Variants in THEMIS observed in about 807,000 individuals in gnomAD.
THEMIS encodes thymocyte selection associated, also known as protein THEMIS.
THEMIS carries 37 observed loss-of-function variants against 52.6 expected under a neutral mutation model. The ratio of observed to expected loss-of-function variants is 0.70; its 90% CI spans 0.54 to 0.93. The LOEUF is 0.93. Ranked by LOEUF, THEMIS falls within the 40% of genes least tolerant of loss-of-function variation. The pLI is 0.00. For missense variants in THEMIS, 808 were observed against 763.1 expected, an observed-to-expected ratio of 1.06 and a Z score of -0.69; for synonymous variants, 292 against 272.7, an observed-to-expected ratio of 1.07 and a Z score of -0.70.
chr6:127,863,445 T>G (rs979131604), intron 1 of THEMIS, among the ~76,000 whole-genome samples: 2 of 152,164 alleles, frequency 1.3e-5, no homozygotes, highest in Admixed American at 1.3e-4. Context: ...TTATTAACCT[T>G]TATCTGTGCT....
Position 127,719,802 on chromosome 6 carries a change from T to G in THEMIS, c.1780A>C (p.Lys594Gln). The change falls in exon 5 of 6, where the codon AAG becomes CAG. Residue 594 changes from lysine (K) to glutamine (Q), a missense_variant. Coordinates refer to ENST00000368248, the MANE Select transcript of THEMIS (RefSeq NM_001010923.3). Reference protein sequence around the residue: ...SPKRHHVDITKKLHPNQAGLD... With the variant: ...SPKRHHVDITQKLHPNQAGLD... ...CCAGCTTGATTTGGGTGAAGTTTCTTGGTTATGTCTACGTGATGACGCTGA... is the reference window on the plus strand; with the variant it reads ...CCAGCTTGATTTGGGTGAAGTTTCTGGGTTATGTCTACGTGATGACGCTGA... 1 of 1,612,340 alleles carries G rather than the reference T, an allele frequency of 6.2e-7. No homozygotes were observed. The highest frequency in any genetic ancestry group is 8.5e-7 in the Non-Finnish European group (1 of 1,178,918).
In THEMIS at chr6:127,864,620, T is replaced by G. The variant is rs544824279; in HGVS notation, c.92-9432A>C. Among the ~76,000 whole-genome samples the G allele has an allele frequency of 3.3e-5, 5 of 152,186 alleles. No individual in the cohort carries two copies. The East Asian group carries it at 9.7e-4, about 29-fold the overall frequency. ...TACTCAGCATCCCCTGTGATCAGAT[T>G]CAGGAAGCGGTCACTGTAGATTATG... On this transcript the variant is annotated intron_variant, in intron 1 of 5. Coordinates refer to ENST00000368248, the MANE Select transcript of THEMIS (RefSeq NM_001010923.3).
intron 4 of THEMIS, 140 bp from the exon 5 acceptor site, chr6:127,719,963 A>C: frequency 9.3e-7 from 1 of 1,070,188 alleles, no homozygotes; most frequent in Non-Finnish European, 1.3e-6. Context: ...TACAAATTAT[A>C]TGTTCATCAA....
At chr6:127,782,809 C>G (rs1776794062) in intron 4 of THEMIS, among the ~76,000 whole-genome samples, 1 of 152,162 alleles carries the variant, frequency 6.6e-6, no homozygotes, top group South Asian at 2.1e-4. Flanking sequence ...AATGGCCATA[C>G]TGCCCAAAGT....
intron 4 of THEMIS, among the ~76,000 whole-genome samples, chr6:127,724,401 T>A (rs1184486316): frequency 1.3e-5 from 2 of 152,232 alleles, no homozygotes; most frequent in East Asian, 3.9e-4. Context: ...GGCATGAGAA[T>A]GTGGCCTGAC....
At chr6:127,837,636 C>A (rs1778915401) in intron 2 of THEMIS, among the ~76,000 whole-genome samples, 1 of 151,280 alleles carries the variant, frequency 6.6e-6, no homozygotes, top group African/African-American at 2.4e-5. Flanking sequence ...ATATATATAT[C>A]TATATATATT....
At chr6:127,712,877 C>A (rs529421888) in intron 5 of THEMIS, among the ~76,000 whole-genome samples, 2 of 151,758 alleles carry the variant, frequency 1.3e-5, no homozygotes, top group African/African-American at 2.4e-5. Context: ...ATTTCAATTT[C>A]GTTATATTTT....
intron 2 of THEMIS, among the ~76,000 whole-genome samples, chr6:127,845,734 G>A (rs1779190846): frequency 6.6e-6 from 1 of 151,782 alleles, no homozygotes; most frequent in Non-Finnish European, 1.5e-5. Context: ...AAAGAAAATT[G>A]TTTAACTTTT....
chr6:127,768,902 T>A (rs1028816302), intron 4 of THEMIS, among the ~76,000 whole-genome samples: 2 of 152,186 alleles, frequency 1.3e-5, no homozygotes, highest in Non-Finnish European at 2.9e-5. Context: ...ACGTAATCAA[T>A]CTTTCCTGTT....
At chr6:127,757,442 T>C (rs192982666) in intron 4 of THEMIS, among the ~76,000 whole-genome samples, 178 of 152,194 alleles carry the variant, frequency 1.2e-3, no homozygotes, top group Middle Eastern at 3.4e-3. Flanking sequence ...TTTACATATA[T>C]ATATATGTAA....
chr6:127,839,035 T>C lies in THEMIS; in HGVS notation c.251-9101A>G, dbSNP rs535332038. Among the ~76,000 whole-genome samples, 3 of 152,254 alleles carry C rather than the reference T, an allele frequency of 2.0e-5. No individual in the cohort carries two copies. In the East Asian group the frequency reaches 5.8e-4, roughly 29 times the overall value. On this transcript the variant is annotated intron_variant, in intron 2 of 5. Coordinates refer to ENST00000368248, the MANE Select transcript of THEMIS (RefSeq NM_001010923.3). ...CAAGTACTCCCTCATTATCCTATTT[T>C]TAAAATATTTGCTTGAATATGTTCA...
rs183262069 is a variant in THEMIS, at chr6:127,819,652, A to T, written c.710-5721T>A. Reference sequence around the variant, plus strand: ...AGTGACAAATTTAAAGAGTTGGAAAAAACCCACCAACCTAGAATTCTGCAT... The same window carrying T: ...AGTGACAAATTTAAAGAGTTGGAAATAACCCACCAACCTAGAATTCTGCAT... On this transcript the variant is annotated intron_variant, in intron 3 of 5. Transcript: ENST00000368248. Among the ~76,000 whole-genome samples the T allele has an allele frequency of 1.6e-4, 25 of 152,294 alleles. 1 individual carries two copies. Among genetic ancestry groups the T allele is most frequent in the Middle Eastern group, 3.4e-3 (1 of 294 alleles).
chr6:127,750,657 T>C (rs1353447339), intron 4 of THEMIS, among the ~76,000 whole-genome samples: 3 of 151,874 alleles, frequency 2.0e-5, no homozygotes, highest in Non-Finnish European at 1.5e-5. Flanking sequence ...ACTGACTACA[T>C]AATTGCTGAT....
chr6:127,763,927 A>C (rs1297987982), intron 4 of THEMIS, among the ~76,000 whole-genome samples: 1 of 151,902 alleles, frequency 6.6e-6, no homozygotes, highest in African/African-American at 2.4e-5. Flanking sequence ...TATGACTCAA[A>C]ATTGTGGCTC....
chr6:127,710,748 A>G (rs1773948230), intron 5 of THEMIS, among the ~76,000 whole-genome samples: 1 of 151,936 alleles, frequency 6.6e-6, no homozygotes, highest in Admixed American at 6.6e-5. Flanking sequence ...ATGGATGGGT[A>G]ATTAAAAGAA....
At chr6:127,872,510 C>T (rs1008688978) in intron 1 of THEMIS, among the ~76,000 whole-genome samples, 4 of 151,992 alleles carry the variant, frequency 2.6e-5, no homozygotes, top group African/African-American at 4.8e-5. Context: ...TGCAGTGAGC[C>T]GAGATTGCGC....
chr6:127,731,161 T>C (rs953678964), intron 4 of THEMIS, among the ~76,000 whole-genome samples: 5 of 152,364 alleles, frequency 3.3e-5, no homozygotes, highest in African/African-American at 1.2e-4. Flanking sequence ...GGATTTCATA[T>C]GTGAATTTAT....
At chr6:127,735,755 AT>A (rs1161437505) in intron 4 of THEMIS, among the ~76,000 whole-genome samples, 1 of 152,076 alleles carries the variant, frequency 6.6e-6, no homozygotes, top group Admixed American at 6.5e-5. Context: ...TGGATGATGA[AT>A]TTTTTTCACA....
intron 4 of THEMIS, among the ~76,000 whole-genome samples, chr6:127,768,144 C>G (rs1776261420): frequency 6.6e-6 from 1 of 152,150 alleles, no homozygotes; most frequent in East Asian, 1.9e-4. Flanking sequence ...CAATTTACAT[C>G]TGAGGCTAGA....
Sources: gnomAD v4.1 joint callset for allele counts (sites outside exome capture counted in the v4.1 genomes callset) on GRCh38, gnomAD v4.1.1 for gene constraint, MANE v1.5 for transcripts, NCBI Gene and HGNC (gene_info 2026-07-23, HGNC 2026-07-21) for gene names.